PDE4A: variants seen among roughly 807,000 people sequenced by gnomAD.
PDE4A encodes phosphodiesterase 4A.
In PDE4A, 21 loss-of-function variants were observed where a neutral mutation model predicts 73.9. The ratio of observed to expected loss-of-function variants is 0.28; its 90% CI spans 0.20 to 0.41. PDE4A has a LOEUF of 0.41. Ranked by LOEUF, PDE4A falls within the 10% of genes least tolerant of loss-of-function variation. The pLI is 1.00. For synonymous variants in PDE4A, 463 were observed against 505.4 expected, an observed-to-expected ratio of 0.92 and a Z score of 1.13; for missense variants, 958 against 1,211.4, an observed-to-expected ratio of 0.79 and a Z score of 3.10.
rs189645479 is a variant in PDE4A at position 10,420,710 on chromosome 19, G to A, written c.-55G>A. On this transcript the variant is annotated 5_prime_UTR_variant, in exon 1 of 15. Coordinates refer to ENST00000380702, the MANE Select transcript of PDE4A (RefSeq NM_001111307.2). The surrounding 1 kb of genome is among the most constrained non-coding windows in gnomAD (Gnocchi z 6.0). ...CTCGCTGGCTTGCGCGCAGCTGAGCGGGGTGTAGGTTGGAAGGGCCAGGGC... is the reference window on the plus strand; with the variant it reads ...CTCGCTGGCTTGCGCGCAGCTGAGCAGGGTGTAGGTTGGAAGGGCCAGGGC... 3 of 1,419,220 alleles carry A rather than the reference G, an allele frequency of 2.1e-6. No homozygotes were observed. Among genetic ancestry groups the A allele is most frequent in the East Asian group, 5.8e-5 (2 of 34,392 alleles). 87.9% of individuals were successfully genotyped at this position (1,419,220 alleles called of 1,614,324 possible).
intron 1 of PDE4A, among the ~76,000 whole-genome samples, chr19:10,425,239 A>G (rs1026686143): frequency 1.3e-5 from 2 of 151,914 alleles, no homozygotes; most frequent in Non-Finnish European, 2.9e-5. Context: ...AAAAACAAAA[A>G]ACAAAAAACA....
At chr19:10,417,418 C>T (rs2042598669), upstream of PDE4A, 1 of 985,120 alleles carries the variant, frequency 1.0e-6, no homozygotes, top group East Asian at 1.1e-4. Flanking sequence ...ATGTGACAGA[C>T]CCCAAGGCTG....
intron 1 of PDE4A, among the ~76,000 whole-genome samples, chr19:10,421,637 G>A (rs1285059699): frequency 6.6e-6 from 1 of 152,106 alleles, no homozygotes; most frequent in African/African-American, 2.4e-5. Flanking sequence ...CCTCTTGGGG[G>A]AGCACTGTTT....
intron 1 of PDE4A, chr19:10,427,398 G>A: frequency 1.4e-6 from 1 of 704,206 alleles, no homozygotes. Context: ...GTGGGAGTGT[G>A]TCTGATACGT....
intron 1 of PDE4A, among the ~76,000 whole-genome samples, chr19:10,444,232 G>A (rs2042974146): frequency 6.6e-6 from 1 of 151,740 alleles, no homozygotes; most frequent in African/African-American, 2.4e-5. Context: ...AATACAAAAT[G>A]GGCTGGGCAT....
intron 1 of PDE4A, among the ~76,000 whole-genome samples, chr19:10,435,844 G>A (rs1237744712): frequency 6.6e-6 from 1 of 152,122 alleles, no homozygotes; most frequent in Non-Finnish European, 1.5e-5. Flanking sequence ...TGATTCTGGG[G>A]CATCACTGGC....
intron 14 of PDE4A, among the ~76,000 whole-genome samples, chr19:10,464,936 C>T (rs1453327460): frequency 1.3e-5 from 2 of 150,732 alleles, no homozygotes; most frequent in African/African-American, 2.4e-5. Context: ...AGGCTGGTCT[C>T]GAACTCCTGG....
rs558783237 is a variant in PDE4A at position 10,469,308 on chromosome 19, C to T, written c.*1687C>T. 5 of 152,362 alleles carry T rather than the reference C, an allele frequency of 3.3e-5. No individual in the cohort carries two copies. The highest frequency in any genetic ancestry group is 7.4e-5 in the Non-Finnish European group (5 of 68,016). The allele number at this position is 152,362 out of a possible 1,614,324, so 9.4% of individuals were successfully genotyped here. ...CGGGAAGGTAGGGAAGGAGGTCTCC[C>T]GTTGGGAGAGTCTCTGTTCCTGCTG... On this transcript the variant is annotated 3_prime_UTR_variant, in exon 15 of 15. Coordinates refer to ENST00000380702, the MANE Select transcript of PDE4A (RefSeq NM_001111307.2).
At chr19:10,417,146 C>A, upstream of PDE4A, 1 of 983,272 alleles carries the variant, frequency 1.0e-6, no homozygotes, top group Non-Finnish European at 1.2e-6. Flanking sequence ...CCCTTGATTC[C>A]ATTTTTTCTC....
In PDE4A at chr19:10,467,605, G is replaced by A. The variant is rs140913905; in HGVS notation, c.2645G>A (p.Gly882Asp). The A allele has an allele frequency of 7.6e-5, 119 of 1,573,580 alleles. No homozygotes were observed. The highest frequency in any genetic ancestry group is 1.0e-4 in the Non-Finnish European group (118 of 1,157,552). Residue 882 changes from glycine (G) to aspartate (D), a missense_variant, in exon 15 of 15, where the codon GGT becomes GAT. Physicochemically the swap from Gly to Asp is moderately conservative, Grantham distance 94. Coordinates refer to ENST00000380702, the MANE Select transcript of PDE4A (RefSeq NM_001111307.2). The stretch of plus-strand genomic sequence containing the variant: ...CCAGCTCCTGGTGGCGGGGGGTCAG[G>A]TGGAGACCCTACCTGATCCCCAGAC... ...ALPAPGGGGS[G>D]GDPT is the part of the protein sequence containing the mutation.
Position 10,424,156 on chromosome 19 carries a change from A to G in PDE4A, c.320+3072A>G, listed in dbSNP as rs1047745617. 6.6e-6 allele frequency among the ~76,000 whole-genome samples: 1 copy of G among 152,214 alleles called. No homozygotes were observed. The highest frequency in any genetic ancestry group is 1.9e-4 in the East Asian group (1 of 5,202). On this transcript the variant is annotated intron_variant, in intron 1 of 14. Coordinates refer to ENST00000380702, the MANE Select transcript of PDE4A (RefSeq NM_001111307.2). This position sits in a 1 kb window ranked among gnomAD's most constrained non-coding sequence, Gnocchi z 4.8. ...ACCTCCCCTCCAGACCTGAAGATGT[A>G]TGAGACGGCTGAGTCACGGCACAGC...
chr19:10,463,651 T>C (rs954405916), intron 13 of PDE4A, 142 bp from the exon 14 acceptor site: 21 of 1,441,190 alleles, frequency 1.5e-5, no homozygotes, highest in African/African-American at 4.3e-5. Context: ...TCCACCCGCC[T>C]CAGCATCCCA....
chr19:10,451,752 A>C (rs2043094886), intron 6 of PDE4A, among the ~76,000 whole-genome samples: 1 of 152,122 alleles, frequency 6.6e-6, no homozygotes, highest in Non-Finnish European at 1.5e-5. Flanking sequence ...TGCACTGCAC[A>C]ACTCCAGGGG....
upstream of PDE4A, chr19:10,419,524 G>C (rs1236700378): frequency 6.6e-6 from 1 of 152,296 alleles, no homozygotes; most frequent in Non-Finnish European, 1.5e-5. Flanking sequence ...ACCTCTGGCA[G>C]AAGCGCTTTA....
Position 10,453,043 on chromosome 19 carries a change from C to T in PDE4A, c.784-1786C>T. 1 of 1,339,400 alleles carries T rather than the reference C, an allele frequency of 7.5e-7. No individual in the cohort carries two copies. Among genetic ancestry groups the T allele is most frequent in the Non-Finnish European group, 9.6e-7 (1 of 1,046,960 alleles). 83.0% of individuals were successfully genotyped at this position (1,339,400 alleles called of 1,614,324 possible). On this transcript the variant is annotated intron_variant, in intron 6 of 14. Transcript: ENST00000380702. This position sits in a 1 kb window ranked among gnomAD's most constrained non-coding sequence, Gnocchi z 4.6. ...GCCTCCACCCACTGCCGCGGGGGGG[C>T]CCGTTGGGGCCCAGGGCTGGCGGGC...
intron 14 of PDE4A, chr19:10,464,343 G>A (rs1305944749): frequency 4.6e-5 from 21 of 455,536 alleles, no homozygotes; most frequent in Non-Finnish European, 7.9e-5. Flanking sequence ...TGATCTACCC[G>A]CCTTGGCCTC....
intron 2 of PDE4A, among the ~76,000 whole-genome samples, chr19:10,447,521 G>A (rs1224661312): frequency 3.3e-5 from 5 of 151,622 alleles, no homozygotes; most frequent in African/African-American, 1.2e-4. Context: ...CACCGCGCCC[G>A]GCCCTCAGTT....
chr19:10,418,896 A>G (rs1411925426), upstream of PDE4A: 2 of 983,060 alleles, frequency 2.0e-6, no homozygotes, highest in East Asian at 2.3e-4. Flanking sequence ...TGAGTGTGTA[A>G]TGGGGGGGGT....
In PDE4A at chr19:10,459,558, C is replaced by T. The variant is rs200204682; in HGVS notation, c.1201-37C>T. The T allele has an allele frequency of 6.8e-6, 11 of 1,611,066 alleles. No individual in the cohort carries two copies. The East Asian group carries it at 1.1e-4, about 16-fold the overall frequency. ...GGGCTCATAGCGGGGCGCTGGAGGC[C>T]GGTGGAGGTCACCACCCTGCCCCTG... On this transcript the variant is annotated intron_variant, in intron 9 of 14. Coordinates refer to ENST00000380702, the MANE Select transcript of PDE4A (RefSeq NM_001111307.2).
Sources: gnomAD v4.1 joint callset for allele counts (sites outside exome capture counted in the v4.1 genomes callset) on GRCh38, gnomAD v4.1.1 for gene constraint, Gnocchi (gnomAD v3.1) non-coding constraint, MANE v1.5 for transcripts, NCBI Gene and HGNC (gene_info 2026-07-23, HGNC 2026-07-21) for gene names.